The following PKHD1 variants were observed in gnomAD, a reference collection of about 807,000 sequenced individuals.
PKHD1 encodes fibrocystin.
PKHD1 carries 291 observed loss-of-function variants against 412.0 expected under a neutral mutation model. The observed-to-expected ratio is 0.71, with a 90% CI of 0.64 to 0.78. PKHD1 has a LOEUF of 0.78. Ranked by LOEUF, PKHD1 falls within the 30% of genes least tolerant of loss-of-function variation. The probability of loss-of-function intolerance (pLI) is 0.00; values close to 1 mark genes in which losing one functional copy is unlikely to be tolerated. For missense variants in PKHD1, 4,825 were observed against 4,950.7 expected (o/e 0.97, Z 0.76); for synonymous variants, 1,777 against 1,821.5 (o/e 0.98, Z 0.62).
chr6:51,787,392 A>G (rs895524933), intron 53 of PKHD1, among the ~76,000 whole-genome samples: 8 of 151,984 alleles, frequency 5.3e-5, no homozygotes, highest in Admixed American at 4.6e-4. Context: ...ATCACCAAAA[A>G]ATATAATTCC....
chr6:52,070,480 T>A, intron 9 of PKHD1, 35 bp from the exon 10 acceptor site: 1 of 1,525,670 alleles, frequency 6.6e-7, no homozygotes, highest in Non-Finnish European at 9.1e-7. Flanking sequence ...AACTCAGGAA[T>A]CTGCACGAGT....
At chr6:51,639,257 G>T (rs951278844) in intron 63 of PKHD1, among the ~76,000 whole-genome samples, 4 of 152,080 alleles carry the variant, frequency 2.6e-5, no homozygotes, top group African/African-American at 9.7e-5. Context: ...TAGCAATTAG[G>T]AAATAGGCTC....
intron 37 of PKHD1, among the ~76,000 whole-genome samples, chr6:51,921,618 G>A (rs4715263): frequency 0.38 from 57,895 of 151,968 alleles, 11,805 homozygotes; most frequent in East Asian, 0.76. Context: ...TGGAGGCTTT[G>A]TTCATTTCTT....
intron 66 of PKHD1, among the ~76,000 whole-genome samples, 182 bp downstream of exon 66, chr6:51,626,815 G>T (rs1470078196): frequency 6.6e-6 from 1 of 152,256 alleles, no homozygotes; most frequent in East Asian, 1.9e-4. Context: ...GTGAATAGCT[G>T]AGTGAACCAG....
At chr6:51,649,016 C>G in intron 62 of PKHD1, 69 bp downstream of exon 62, 2 of 1,479,920 alleles carry the variant, frequency 1.4e-6, no homozygotes, top group Non-Finnish European at 1.9e-6. Context: ...ATGACACACT[C>G]TAAAAGATAG....
At position 51,906,275 on chromosome 6, in the gene PKHD1, A is replaced by T; in HGVS notation, c.6748T>A (p.Leu2250Met). Residue 2250 changes from leucine to methionine, a missense_variant, in exon 41 of 67, where the codon TTG becomes ATG. By Grantham distance (15) the Leu-to-Met change is conservative. Coordinates refer to ENST00000371117, the MANE Select transcript of PKHD1 (RefSeq NM_138694.4). ...FSRGLSMCGT[L>M]GLKVDSNVFY... ...ACATTACTGTCCACCTTCAGGCCCAAGGTCCCGCACATGCTGAGGCCTCTA... is the reference window on the plus strand; with the variant it reads ...ACATTACTGTCCACCTTCAGGCCCATGGTCCCGCACATGCTGAGGCCTCTA... 6.2e-7 allele frequency: 1 copy of T among 1,610,464 alleles called. No homozygotes were observed. The highest frequency in any genetic ancestry group is 1.1e-5 in the South Asian group (1 of 91,022).
Position 51,883,238 on chromosome 6 carries a change from C to A in PKHD1, c.7216-11G>T. On this transcript the variant is annotated splice_polypyrimidine_tract_variant and intron_variant, in intron 45 of 66. Coordinates refer to ENST00000371117, the MANE Select transcript of PKHD1 (RefSeq NM_138694.4). ...GCTACTTCTAAAAATCTATAAAATA[C>A]AGCATGTTACAGCAAAGGTCTGAGG... 6.2e-7 allele frequency: 1 copy of A among 1,611,968 alleles called. No homozygotes were observed. The highest frequency in any genetic ancestry group is 8.5e-7 in the Non-Finnish European group (1 of 1,178,336).
intron 52 of PKHD1, among the ~76,000 whole-genome samples, chr6:51,817,844 T>A (rs1562379407): frequency 3.0e-4 from 1 of 3,312 alleles, no homozygotes; most frequent in Non-Finnish European, 0.017. Context: ...TTGCACCCCT[T>A]GCTGACCACA....
intron 35 of PKHD1, among the ~76,000 whole-genome samples, chr6:51,989,393 C>A (rs1007768653): frequency 1.3e-5 from 2 of 152,146 alleles, no homozygotes; most frequent in Non-Finnish European, 2.9e-5. Flanking sequence ...TGATACTGAG[C>A]AAAAGCAATT....
chr6:51,957,941 G>A (rs1791392473), intron 36 of PKHD1, among the ~76,000 whole-genome samples: 1 of 151,752 alleles, frequency 6.6e-6, no homozygotes, highest in Non-Finnish European at 1.5e-5. Flanking sequence ...TTTTTCTTTG[G>A]TAATATTACA....
intron 55 of PKHD1, among the ~76,000 whole-genome samples, chr6:51,765,929 C>T (rs2151090533): frequency 6.6e-6 from 1 of 152,206 alleles, no homozygotes; most frequent in Non-Finnish European, 1.5e-5. Context: ...AATGTCCATG[C>T]TTCTTTCAGA....
intron 65 of PKHD1, 67 bp downstream of exon 65, chr6:51,632,498 A>T: frequency 7.7e-7 from 1 of 1,306,938 alleles, no homozygotes; most frequent in Non-Finnish European, 1.1e-6. Context: ...CAGAATCATT[A>T]ATATGTTATG....
At chr6:51,951,324 T>C (rs1418552251) in intron 36 of PKHD1, among the ~76,000 whole-genome samples, 1 of 151,726 alleles carries the variant, frequency 6.6e-6, no homozygotes, top group Non-Finnish European at 1.5e-5. Flanking sequence ...TAAGGAGAAA[T>C]AGAAAAGACA....
chr6:52,035,866 C>T (rs1480468074), intron 27 of PKHD1, 145 bp from the exon 28 acceptor site: 5 of 807,934 alleles, frequency 6.2e-6, no homozygotes, highest in African/African-American at 1.7e-5. Context: ...AGGAAAAAAA[C>T]TGGAGTTAAA....
Position 52,022,519 on chromosome 6 carries a change from C to T in PKHD1, c.5380+282G>A, listed in dbSNP as rs186735499. 7.4e-4 allele frequency among the ~76,000 whole-genome samples: 112 copies of T among 152,258 alleles called. 1 individual carries two copies. The highest frequency in any genetic ancestry group is 6.6e-3 in the East Asian group (34 of 5,184). ...TAATATTCAGAATTCAGAATTACTT[C>T]CTCTGTCATCCTAAGACTGCAGTTA... On this transcript the variant is annotated intron_variant, in intron 33 of 66. Coordinates refer to ENST00000371117, the MANE Select transcript of PKHD1 (RefSeq NM_138694.4).
chr6:51,905,202 T>C (rs528447920), intron 41 of PKHD1, among the ~76,000 whole-genome samples: 7 of 152,198 alleles, frequency 4.6e-5, no homozygotes, highest in Non-Finnish European at 1.0e-4. Flanking sequence ...AAACCTCTGA[T>C]TTGCTTTTTT....
At chr6:51,881,742 G>T (rs1229196794) in intron 46 of PKHD1, among the ~76,000 whole-genome samples, 1 of 152,280 alleles carries the variant, frequency 6.6e-6, no homozygotes, top group East Asian at 1.9e-4. Flanking sequence ...AGTTCAAGAA[G>T]TTAACCAGAT....
rs1194288194 is a variant in PKHD1 at position 52,028,207 on chromosome 6, C to A, written c.3509G>T (p.Gly1170Val). Residue 1170 changes from glycine (G) to valine (V), a missense_variant, in exon 30 of 67, where the codon GGT (glycine) becomes GTT (valine). Physicochemically the swap from Gly to Val is moderately radical, Grantham distance 109. Coordinates refer to ENST00000371117, the MANE Select transcript of PKHD1 (RefSeq NM_138694.4). ...LEVALPPLPA[G>V]LHRISVSING... ...GATAGAGACGGAAATTCTGTGGAGA[C>A]CAGCTGGCAGTGGGGGCAGTGCCAC... The A allele has an allele frequency of 6.2e-7, 1 of 1,614,204 alleles. No homozygotes were observed. Among genetic ancestry groups the A allele is most frequent in the Non-Finnish European group, 8.5e-7 (1 of 1,180,034 alleles).
intron 61 of PKHD1, among the ~76,000 whole-genome samples, chr6:51,652,412 T>TACTGTGG (rs1771121343): frequency 6.6e-6 from 1 of 152,150 alleles, no homozygotes; most frequent in Non-Finnish European, 1.5e-5. Context: ...CAACAAGACC[T>TACTGTGG]ACTGTGGTGG....
Sources: allele counts gnomAD v4.1 joint callset (sites outside exome capture counted in the v4.1 genomes callset), GRCh38; gene constraint gnomAD v4.1.1; transcripts MANE v1.5; gene names NCBI Gene and HGNC (gene_info 2026-07-23, HGNC 2026-07-21).